UBAP2L: variants seen among roughly 807,000 people sequenced by gnomAD.
UBAP2L encodes the protein ubiquitin associated protein 2 like.
In UBAP2L, 12 loss-of-function variants were observed where a neutral mutation model predicts 130.6. That is an observed-to-expected ratio of 0.09 (90% CI 0.06 to 0.15). The LOEUF is 0.15. Ranked by LOEUF, UBAP2L falls within the 10% of genes least tolerant of loss-of-function variation. The probability of loss-of-function intolerance (pLI) is 1.00; values close to 1 mark genes in which losing one functional copy is unlikely to be tolerated. For synonymous variants in UBAP2L, 503 were observed against 524.7 expected, an observed-to-expected ratio of 0.96 and a Z score of 0.57; for missense variants, 965 against 1,332.5, an observed-to-expected ratio of 0.72 and a Z score of 4.29.
chr1:154,261,842 G>A (rs776956006), intron 24 of UBAP2L, 145 bp downstream of exon 24: 7 of 732,702 alleles, frequency 9.6e-6, no homozygotes, highest in South Asian at 1.7e-5. Context: ...TGGCTGACTT[G>A]GGTATCTGTG....
At chr1:154,254,950 A>G (rs1679123891) in intron 16 of UBAP2L, 60 bp downstream of exon 16, 2 of 1,557,102 alleles carry the variant, frequency 1.3e-6, no homozygotes, top group South Asian at 1.2e-5. Flanking sequence ...TAAAATGGTG[A>G]TAATCCATTA....
chr1:154,240,930 G>C (rs1047768182), intron 8 of UBAP2L, among the ~76,000 whole-genome samples: 1 of 136,516 alleles, frequency 7.3e-6, no homozygotes, highest in Non-Finnish European at 1.5e-5. Flanking sequence ...GTGGTTGTCT[G>C]TCTGTCCCCC....
chr1:154,243,841 C>T (rs985831427), intron 10 of UBAP2L, among the ~76,000 whole-genome samples: 1 of 152,190 alleles, frequency 6.6e-6, no homozygotes, highest in African/African-American at 2.4e-5. Context: ...TTGATTCTCC[C>T]TGCAAATAGC....
Position 154,255,210 on chromosome 1 carries a change from C to G in UBAP2L, c.1968C>G (p.Leu656=). Residue 656 remains leucine (L), a synonymous_variant, in exon 17 of 27, where the codon CTC becomes CTG. Transcript: ENST00000428931. ...CTTCCACTTCTAGCATCCCCCCTCT[C>G]AATGAAACGGTATCTGCAGCTTCCT... ...DSPSTSSIPP[L]NETVSAASLL... is the part of the protein sequence containing the mutation. The G allele has an allele frequency of 1.9e-6, 3 of 1,614,202 alleles. No individual in the cohort carries two copies. The highest frequency in any genetic ancestry group is 2.5e-6 in the Non-Finnish European group (3 of 1,180,018).
intron 15 of UBAP2L, chr1:154,254,498 G>T: frequency 2.2e-6 from 1 of 444,502 alleles, no homozygotes; most frequent in Non-Finnish European, 4.0e-6. Context: ...TGGTGTGGCT[G>T]AACTGTTGTA....
intron 1 of UBAP2L, among the ~76,000 whole-genome samples, chr1:154,221,713 T>C (rs1357751288): frequency 6.6e-6 from 1 of 152,220 alleles, no homozygotes; most frequent in Non-Finnish European, 1.5e-5. Flanking sequence ...CTTTGTCAGC[T>C]CCTCTTATTA....
chr1:154,248,802 C>A (rs36069404), intron 11 of UBAP2L, among the ~76,000 whole-genome samples: 1 of 151,976 alleles, frequency 6.6e-6, no homozygotes, highest in Admixed American at 6.6e-5. Flanking sequence ...GGTGACAGAG[C>A]GAGACTCTGT....
chr1:154,259,166 G>C (rs1247641937), intron 21 of UBAP2L, 136 bp downstream of exon 21: 2 of 744,560 alleles, frequency 2.7e-6, no homozygotes, highest in Admixed American at 2.8e-5. Flanking sequence ...TTAGAATATA[G>C]GGATTTGGGG....
upstream of UBAP2L, chr1:154,220,950 G>A (rs1571515807): frequency 1.6e-5 from 3 of 183,354 alleles, no homozygotes; most frequent in Non-Finnish European, 2.4e-5. Flanking sequence ...GGCGCGGCCC[G>A]GGGTGTCAGT....
At chr1:154,239,579 GCTTCCTCAGCTCTCTCT>G (rs1672809984) in intron 8 of UBAP2L, among the ~76,000 whole-genome samples, 1 of 152,104 alleles carries the variant, frequency 6.6e-6, no homozygotes, top group African/African-American at 2.4e-5. Flanking sequence ...GTTCCTTAAT[GCTTCCTCAGCTCTCTCT>G]CTTCCTCAGC....
chr1:154,240,878 A>C (rs1673301559), intron 8 of UBAP2L, among the ~76,000 whole-genome samples: 1 of 151,704 alleles, frequency 6.6e-6, no homozygotes, highest in South Asian at 2.1e-4. Context: ...ATTGACCACT[A>C]AATCAACCTG....
At chr1:154,257,684 C>T in intron 20 of UBAP2L, 1 of 466,910 alleles carries the variant, frequency 2.1e-6, no homozygotes, top group Non-Finnish European at 3.8e-6. Flanking sequence ...TAAGGGTCAA[C>T]TGTAATTAAA....
chr1:154,263,405 A>T, intron 24 of UBAP2L: 1 of 1,269,046 alleles, frequency 7.9e-7, no homozygotes, highest in Non-Finnish European at 9.9e-7. Context: ...GCATCAATGC[A>T]CACACCTGCT....
chr1:154,253,608 G>A (rs1437004611), intron 14 of UBAP2L, among the ~76,000 whole-genome samples: 1 of 151,676 alleles, frequency 6.6e-6, no homozygotes, highest in African/African-American at 2.4e-5. Context: ...TCCTGACCTC[G>A]TGATCCGCCC....
chr1:154,248,265 C>G (rs1436904405), intron 11 of UBAP2L, among the ~76,000 whole-genome samples: 1 of 152,134 alleles, frequency 6.6e-6, no homozygotes, highest in East Asian at 1.9e-4. Flanking sequence ...CCGCATTCGG[C>G]CCAGTGATTA....
At chr1:154,222,127 C>T (rs904724485) in intron 1 of UBAP2L, among the ~76,000 whole-genome samples, 12 of 152,194 alleles carry the variant, frequency 7.9e-5, no homozygotes, top group Non-Finnish European at 1.2e-4. Context: ...CTTTGACTCT[C>T]CCTGATTATT....
chr1:154,260,912 C>T lies in UBAP2L; in HGVS notation c.2599C>T (p.Arg867Cys), dbSNP rs776058798. ...CACAGGTGACCTCACAAAGTTCGGC[C>T]GTGGGGATGCCTCCTCCCCAGCCCC... ...PYSGDLTKFG[R>C]GDASSPAPAT... Residue 867 changes from arginine to cysteine, a missense_variant, in exon 23 of 27, where the codon CGT (arginine) becomes TGT (cysteine). Arg to Cys is a radical substitution (Grantham distance 180). Coordinates refer to ENST00000428931, the MANE Select transcript of UBAP2L (RefSeq NM_014847.4). 3 of 1,614,196 alleles carry T rather than the reference C, an allele frequency of 1.9e-6. No homozygotes were observed. Among genetic ancestry groups the T allele is most frequent in the Non-Finnish European group, 2.5e-6 (3 of 1,180,030 alleles).
At chr1:154,249,864 CAAAAA>C (rs1187501487) in intron 12 of UBAP2L, among the ~76,000 whole-genome samples, 1 of 61,188 alleles carries the variant, frequency 1.6e-5, no homozygotes, top group Admixed American at 2.0e-4. Flanking sequence ...TAGCTTTCCG[CAAAAA>C]AAAAAAAAAA....
intron 12 of UBAP2L, among the ~76,000 whole-genome samples, chr1:154,249,863 G>A (rs533683051): frequency 2.2e-4 from 22 of 98,130 alleles, no homozygotes; most frequent in South Asian, 8.8e-4. Context: ...CTAGCTTTCC[G>A]CAAAAAAAAA....
Sources: gnomAD v4.1 joint callset for allele counts (sites outside exome capture counted in the v4.1 genomes callset) on GRCh38, gnomAD v4.1.1 for gene constraint, MANE v1.5 for transcripts, NCBI Gene and HGNC (gene_info 2026-07-23, HGNC 2026-07-21) for gene names.